THSD7A: variants seen among roughly 807,000 people sequenced by gnomAD.
THSD7A encodes thrombospondin type-1 domain-containing protein 7A.
A neutral mutation model predicts 231.3 loss-of-function variants in THSD7A; 96 were observed. The observed-to-expected ratio is 0.41, with a 90% CI of 0.35 to 0.49. The LOEUF (loss-of-function observed/expected upper bound fraction) is 0.49. Ranked by LOEUF, THSD7A falls within the 20% of genes least tolerant of loss-of-function variation. THSD7A has a pLI of 0.05. For synonymous variants in THSD7A, 940 were observed against 743.3 expected, an observed-to-expected ratio of 1.26 and a Z score of -4.30; for missense variants, 2,290 against 2,070.2, an observed-to-expected ratio of 1.11 and a Z score of -2.06.
intron 1 of THSD7A, among the ~76,000 whole-genome samples, chr7:11,701,392 C>T (rs1265129618): frequency 6.6e-6 from 1 of 151,186 alleles, no homozygotes; most frequent in Non-Finnish European, 1.5e-5. Flanking sequence ...GATTTTCCTT[C>T]TTAGTTCTGC....
intron 6 of THSD7A, among the ~76,000 whole-genome samples, chr7:11,522,383 T>C (rs567942550): frequency 6.6e-6 from 1 of 152,332 alleles, no homozygotes; most frequent in East Asian, 1.9e-4. Flanking sequence ...GTTCTTTGGG[T>C]AAATATTTCA....
rs1403234857 is a variant in THSD7A, at chr7:11,831,884, GC to G, written c.62del (p.Gly21AlafsTer115). 2 of 1,248,512 alleles carry G rather than the reference GC, an allele frequency of 1.6e-6. No homozygotes were observed. Among genetic ancestry groups the G allele is most frequent in the Non-Finnish European group, 1.0e-6 (1 of 1,001,174 alleles). The allele number at this position is 1,248,512 out of a possible 1,614,324, so 77.3% of individuals were successfully genotyped here. ...GSRGAAGPRR[G>X]VLQLLPLPLP... is the part of the protein sequence containing the mutation. ...GCGGCAGCGGCAGCAGCTGCAGGACGCCCCGGCGCGGCCCCGCAGCGCCCCG... is the reference window on the plus strand; with the variant it reads ...GCGGCAGCGGCAGCAGCTGCAGGACGCCCGGCGCGGCCCCGCAGCGCCCCG... On this transcript the variant is annotated frameshift_variant, in exon 1 of 28. Transcript: ENST00000423059. LOFTEE classifies it high-confidence loss of function. This position sits in a 1 kb window ranked among gnomAD's most constrained non-coding sequence, Gnocchi z 5.0.
At chr7:11,554,969 G>A (rs1789785387) in intron 4 of THSD7A, among the ~76,000 whole-genome samples, 1 of 151,894 alleles carries the variant, frequency 6.6e-6, no homozygotes, top group Non-Finnish European at 1.5e-5. Flanking sequence ...TTCATTCCTG[G>A]TGTTGGTGAT....
At chr7:11,755,209 T>C (rs564074657) in intron 1 of THSD7A, among the ~76,000 whole-genome samples, 13 of 152,098 alleles carry the variant, frequency 8.5e-5, no homozygotes, top group African/African-American at 3.1e-4. Context: ...AATTATCTAG[T>C]CAAAAATTTC....
chr7:11,532,527 A>C, intron 6 of THSD7A, among the ~76,000 whole-genome samples: 1 of 152,160 alleles, frequency 6.6e-6, no homozygotes, highest in East Asian at 1.9e-4. Flanking sequence ...TTCTCCCATC[A>C]AGAGGCAGAG....
intron 6 of THSD7A, among the ~76,000 whole-genome samples, chr7:11,483,910 G>A (rs1407440527): frequency 6.6e-6 from 1 of 152,100 alleles, no homozygotes; most frequent in Admixed American, 6.5e-5. Context: ...CATTAGATTA[G>A]CTTGCCTAGC....
At chr7:11,607,152 T>C (rs904182258) in intron 2 of THSD7A, among the ~76,000 whole-genome samples, 4 of 152,162 alleles carry the variant, frequency 2.6e-5, no homozygotes, top group African/African-American at 9.7e-5. Flanking sequence ...AGATTATATT[T>C]AAAATTATAC....
At position 11,447,392 on chromosome 7, in the gene THSD7A, C is replaced by A; in HGVS notation, c.2638G>T (p.Ala880Ser). ...TACTGTAGGCACTCATGGATTCCAG[C>A]CTGTCCTCCATCTTGCTTGCGACAA... The part of the protein sequence containing the change: ...ITCRKQDGGQ[A>S]GIHECLQYAG... The change falls in exon 12 of 28, where the codon GCT becomes TCT. Residue 880 changes from alanine (A) to serine (S), a missense_variant. Coordinates refer to ENST00000423059, the MANE Select transcript of THSD7A (RefSeq NM_015204.3). 6.3e-7 allele frequency: 1 copy of A among 1,591,900 alleles called. No homozygotes were observed. Among genetic ancestry groups the A allele is most frequent in the Non-Finnish European group, 8.5e-7 (1 of 1,170,686 alleles).
Position 11,769,153 on chromosome 7 carries a change from A to ATATATAT in THSD7A, c.190+62603_190+62604insATATATA. On this transcript the variant is annotated intron_variant, in intron 1 of 27. Coordinates refer to ENST00000423059, the MANE Select transcript of THSD7A (RefSeq NM_015204.3). ...TATATATATATATATATATATATAT[A>ATATATAT]TTTTTTTTTTTTTTTGGTATTTTTG... is the stretch of plus-strand genomic sequence containing the variant. Among the ~76,000 whole-genome samples, 75 of 27,640 alleles carry ATATATAT rather than the reference A, an allele frequency of 2.7e-3. 1 individual carries two copies. The highest frequency in any genetic ancestry group is 4.3e-3 in the South Asian group (3 of 702). 18.1% of individuals were successfully genotyped at this position (27,640 alleles called of 152,430 possible).
intron 9 of THSD7A, among the ~76,000 whole-genome samples, chr7:11,466,094 G>C (rs1785694138): frequency 6.6e-6 from 1 of 151,984 alleles, no homozygotes; most frequent in Non-Finnish European, 1.5e-5. Flanking sequence ...GTTTTATTTT[G>C]TGCAATAGTA....
At chr7:11,685,281 A>G (rs539728621) in intron 1 of THSD7A, among the ~76,000 whole-genome samples, 14 of 152,106 alleles carry the variant, frequency 9.2e-5, no homozygotes, top group Middle Eastern at 3.4e-3. Flanking sequence ...CTACAAAAAA[A>G]AACTAGGAAG....
intron 1 of THSD7A, among the ~76,000 whole-genome samples, chr7:11,788,445 G>A (rs145663881): frequency 6.6e-6 from 1 of 151,972 alleles, no homozygotes; most frequent in African/African-American, 2.4e-5. Context: ...CAATCCTCAT[G>A]CCCATTTTGT....
chr7:11,647,672 T>C (rs927538611), intron 1 of THSD7A, among the ~76,000 whole-genome samples: 4 of 152,124 alleles, frequency 2.6e-5, no homozygotes, highest in Non-Finnish European at 5.9e-5. Context: ...CCTCTGATTA[T>C]GATGCTGGAG....
chr7:11,597,485 C>A (rs907266189), intron 2 of THSD7A, among the ~76,000 whole-genome samples: 4 of 152,158 alleles, frequency 2.6e-5, no homozygotes, highest in Non-Finnish European at 2.9e-5. Context: ...TACGACCCCC[C>A]ATATCCAATG....
At chr7:11,818,132 G>C (rs1321114764) in intron 1 of THSD7A, among the ~76,000 whole-genome samples, 1 of 152,130 alleles carries the variant, frequency 6.6e-6, no homozygotes, top group Non-Finnish European at 1.5e-5. Flanking sequence ...TGGTGCAATA[G>C]AGAACATACC....
chr7:11,619,159 C>A (rs1166628864), intron 2 of THSD7A, among the ~76,000 whole-genome samples: 1 of 151,780 alleles, frequency 6.6e-6, no homozygotes. Flanking sequence ...TATAAAGAAA[C>A]TGGTTACATT....
chr7:11,580,791 G>C (rs139673681), intron 4 of THSD7A, among the ~76,000 whole-genome samples: 1 of 152,128 alleles, frequency 6.6e-6, no homozygotes, highest in South Asian at 2.1e-4. Context: ...ATGGATACTA[G>C]GCTTAATATC....
chr7:11,408,154 C>G (rs1783650582), intron 19 of THSD7A, among the ~76,000 whole-genome samples: 1 of 152,078 alleles, frequency 6.6e-6, no homozygotes, highest in South Asian at 2.1e-4. Flanking sequence ...GATGAGGTTT[C>G]AAATTCTTCT....
chr7:11,772,148 C>G (rs1783250568), intron 1 of THSD7A, among the ~76,000 whole-genome samples: 1 of 151,898 alleles, frequency 6.6e-6, no homozygotes, highest in African/African-American at 2.4e-5. Flanking sequence ...AATGCAAATT[C>G]AAACCACAAT....
Sources: allele counts gnomAD v4.1 joint callset (sites outside exome capture counted in the v4.1 genomes callset), GRCh38; gene constraint gnomAD v4.1.1; non-coding constraint Gnocchi (gnomAD v3.1); transcripts MANE v1.5; gene names NCBI Gene and HGNC (gene_info 2026-07-23, HGNC 2026-07-21).